The following RIF1 variants were observed in gnomAD, a reference collection of about 807,000 sequenced individuals.
RIF1 encodes replication timing regulatory factor 1, also known as telomere-associated protein RIF1.
A neutral mutation model predicts 247.1 loss-of-function variants in RIF1; 45 were observed. The observed-to-expected ratio is 0.18, with a 90% CI of 0.14 to 0.23. The LOEUF (loss-of-function observed/expected upper bound fraction) is 0.23, where lower values mean the gene tolerates loss of function less well. Among genes scored for constraint, RIF1 ranks in the 10% least tolerant of loss-of-function variants. RIF1 has a pLI of 1.00. For missense variants in RIF1, 2,967 were observed against 2,862.5 expected, an observed-to-expected ratio of 1.04 and a Z score of -0.83; for synonymous variants, 1,087 against 978.8, an observed-to-expected ratio of 1.11 and a Z score of -2.06.
At chr2:151,483,477 G>C (rs2049256179), downstream of RIF1, 1 of 152,158 alleles carries the variant, frequency 6.6e-6, no homozygotes, top group African/African-American at 2.4e-5. Flanking sequence ...AGAGGAAACA[G>C]GGTTAACCAT....
Position 151,491,666 on chromosome 2 carries a change from T to TG in RIF1, c.*416-3563_*416-3562insG. 2.0e-6 allele frequency: 3 copies of TG among 1,537,712 alleles called. No homozygotes were observed. The highest frequency in any genetic ancestry group is 2.7e-6 in the Non-Finnish European group (3 of 1,127,144). On this transcript the variant is annotated intron_variant and NMD_transcript_variant, in intron 9 of 13. Coordinates refer to the RIF1 transcript ENST00000454583. ...AATGGTGATGTTTATGTTGTAAGCCTTTTTCAGCTAACACACCATTAATCA... is the reference window on the plus strand; with the variant it reads ...AATGGTGATGTTTATGTTGTAAGCCTGTTTTCAGCTAACACACCATTAATCA...
At position 151,428,857 on chromosome 2, in the gene RIF1, C is replaced by G. The variant is rs1264161218; in HGVS notation, c.860C>G (p.Pro287Arg). The G allele has an allele frequency of 6.4e-7, 1 of 1,553,044 alleles. No individual in the cohort carries two copies. The highest frequency in any genetic ancestry group is 8.9e-7 in the Non-Finnish European group (1 of 1,124,728). Reference protein sequence around the residue: ...LEELGFRSGAPMIKKIAFIAW... With the variant: ...LEELGFRSGARMIKKIAFIAW... ...GAACTTGGATTTCGTAGTGGAGCAC[C>G]CATGATTAAAAAGATAGCTTTTATT... The change falls in exon 9 of 36, where the codon CCC (proline) becomes CGC (arginine). Residue 287 changes from proline to arginine, a missense_variant. Coordinates refer to ENST00000444746, the MANE Select transcript of RIF1 (RefSeq NM_018151.5).
intron 11 of RIF1, chr2:151,499,567 G>T: frequency 6.4e-6 from 3 of 472,232 alleles, no homozygotes; most frequent in South Asian, 2.8e-5. Flanking sequence ...TATTTCCTTA[G>T]TGAAATATCA....
chr2:151,529,929 G>C, the RIF1 span, among the ~76,000 whole-genome samples: 1 of 152,154 alleles, frequency 6.6e-6, no homozygotes, highest in African/African-American at 2.4e-5. Context: ...CTTGAGTTCA[G>C]AACATCTTGA....
Position 151,428,825 on chromosome 2 carries a change from A to G in RIF1, c.828A>G (p.Gln276=). 2 of 1,598,302 alleles carry G rather than the reference A, an allele frequency of 1.3e-6. No homozygotes were observed. Among genetic ancestry groups the G allele is most frequent in the Non-Finnish European group, 1.7e-6 (2 of 1,165,798 alleles). ...GGAGTTTCATCAATTCTCTCTTGCA[A>G]CTAGAAGAACTTGGATTTCGTAGTG... is the stretch of plus-strand genomic sequence containing the variant. ...RSGSFINSLL[Q]LEELGFRSGA... is the part of the protein sequence containing the mutation. Residue 276 remains glutamine (Q), a synonymous_variant, in exon 9 of 36, where the codon CAA becomes CAG. Transcript: ENST00000444746.
rs1686919378 is a variant in RIF1, at chr2:151,414,894, T to C, written c.255T>C (p.Asn85=). 1 of 1,610,562 alleles carries C rather than the reference T, an allele frequency of 6.2e-7. No homozygotes were observed. Among genetic ancestry groups the C allele is most frequent in the African/African-American group, 1.3e-5 (1 of 74,848 alleles). ...AAGCCCTGGGGTTTTGCTTATATAA[T>C]CCCAAAATTACCTCAGAATTATCAG... ...ALQALGFCLY[N]PKITSELSEA... Residue 85 remains asparagine, a synonymous_variant, in exon 4 of 36, where the codon AAT becomes AAC. Transcript: ENST00000444746.
At chr2:151,519,703 G>T in the RIF1 span, 1 of 1,612,408 alleles carries the variant, frequency 6.2e-7, no homozygotes, top group Non-Finnish European at 8.5e-7. Context: ...TGTAGAGCTG[G>T]CTGTCTTTTG....
At chr2:151,454,815 A>T in intron 21 of RIF1, 80 bp from the exon 22 acceptor site, 1 of 1,016,974 alleles carries the variant, frequency 9.8e-7, no homozygotes, top group Non-Finnish European at 1.4e-6. Context: ...TTTAAATGTG[A>T]GCTATAAATT....
chr2:151,498,062 A>G, intron 10 of RIF1: 2 of 1,455,732 alleles, frequency 1.4e-6, no homozygotes, highest in African/African-American at 1.4e-5. Context: ...TTTTTAAAAC[A>G]TGTTTGTTTG....
intron 3 of RIF1, among the ~76,000 whole-genome samples, chr2:151,412,433 A>G (rs1459738224): frequency 6.6e-6 from 1 of 151,782 alleles, no homozygotes. Context: ...CGATCCTCCC[A>G]CCTCAGCCTC....
intron 7 of RIF1, among the ~76,000 whole-genome samples, chr2:151,422,431 T>C (rs1196920294): frequency 6.6e-6 from 1 of 152,112 alleles, no homozygotes; most frequent in Non-Finnish European, 1.5e-5. Flanking sequence ...GTGTTTGTAT[T>C]AGAGCATTTA....
chr2:151,416,937 T>A, intron 6 of RIF1, 36 bp downstream of exon 6: 1 of 1,500,310 alleles, frequency 6.7e-7, no homozygotes, highest in Non-Finnish European at 9.2e-7. Context: ...TGAAGAATAG[T>A]TTTCATAAAT....
rs532345972 is a variant in RIF1, at chr2:151,497,120, T to C, written c.*513+1794T>C. The C allele has an allele frequency of 3.5e-5, 51 of 1,456,112 alleles. No homozygotes were observed. In the African/African-American group the frequency reaches 7.0e-4, roughly 20 times the overall value. 90.2% of individuals were successfully genotyped at this position (1,456,112 alleles called of 1,614,324 possible). A position where few individuals can be genotyped will look rare whatever the true frequency, so the allele number is the denominator to read the frequency against. On this transcript the variant is annotated intron_variant and NMD_transcript_variant, in intron 10 of 13. Coordinates refer to the RIF1 transcript ENST00000454583. ...TTTAAGGGTAAGGTCAGCTTCCTTG[T>C]TAAGACAAAACACAGTTGTCCAAGG...
intron 4 of RIF1, among the ~76,000 whole-genome samples, chr2:151,415,507 T>G (rs1215148573): frequency 2.3e-5 from 3 of 132,644 alleles, no homozygotes; most frequent in African/African-American, 8.7e-5. Flanking sequence ...GGCAGGAGAA[T>G]GGCGTGAACC....
At chr2:151,501,160 A>AGAT (rs1240934980) in intron 11 of RIF1, among the ~76,000 whole-genome samples, 9 of 152,230 alleles carry the variant, frequency 5.9e-5, no homozygotes, top group South Asian at 2.1e-4. Context: ...AACAACATAA[A>AGAT]GATGAAAAGA....
At chr2:151,520,819 G>A in the RIF1 span, among the ~76,000 whole-genome samples, 1 of 152,094 alleles carries the variant, frequency 6.6e-6, no homozygotes, top group Non-Finnish European at 1.5e-5. Context: ...AGTCAGGATC[G>A]CACCACTGCA....
At chr2:151,460,298 G>GT (rs1387621365) in intron 26 of RIF1, among the ~76,000 whole-genome samples, 179 bp downstream of exon 26, 1 of 152,130 alleles carries the variant, frequency 6.6e-6, no homozygotes, top group Non-Finnish European at 1.5e-5. Flanking sequence ...AGAAGCCTTG[G>GT]GTGATGATTC....
chr2:151,522,021 T>C, the RIF1 span, among the ~76,000 whole-genome samples: 35 of 152,336 alleles, frequency 2.3e-4, no homozygotes, highest in African/African-American at 6.3e-4. Context: ...CTTTTTCCCA[T>C]TAACCATGGG....
downstream of RIF1, among the ~76,000 whole-genome samples, chr2:151,512,019 C>CTTTTTTTTT (rs71403173): frequency 5.3e-5 from 5 of 93,584 alleles, no homozygotes; most frequent in South Asian, 3.7e-4. Context: ...CCCTCTCACT[C>CTTTTTTTTT]TTTTTTTTTT....
Sources: allele counts gnomAD v4.1 joint callset (sites outside exome capture counted in the v4.1 genomes callset), GRCh38; gene constraint gnomAD v4.1.1; transcripts MANE v1.5; gene names NCBI Gene and HGNC (gene_info 2026-07-23, HGNC 2026-07-21).